CELF2: variants seen among roughly 807,000 people sequenced by gnomAD.
The protein encoded by CELF2 is CUG triplet repeat RNA-binding protein 2.
In CELF2, 8 loss-of-function variants were observed where a neutral mutation model predicts 62.6. That is an observed-to-expected ratio of 0.13 (90% CI 0.07 to 0.23). The LOEUF (loss-of-function observed/expected upper bound fraction) is 0.23, where lower values mean the gene tolerates loss of function less well. Ranked by LOEUF, CELF2 falls within the 10% of genes least tolerant of loss-of-function variation. CELF2 has a pLI of 1.00. For missense variants in CELF2, 333 were observed against 671.0 expected (o/e 0.50, Z 5.56); for synonymous variants, 258 against 250.0 (o/e 1.03, Z -0.30).
At chr10:10,969,599 C>T (rs2050539366) in intron 2 of CELF2, among the ~76,000 whole-genome samples, 1 of 152,154 alleles carries the variant, frequency 6.6e-6, no homozygotes, top group Admixed American at 6.5e-5. Context: ...CCCTCCCTCT[C>T]CCCTTCCCCA....
At chr10:10,573,600 A>G in the CELF2 span, among the ~76,000 whole-genome samples, 1 of 152,190 alleles carries the variant, frequency 6.6e-6, no homozygotes. Context: ...AGATCTTGTG[A>G]GCACATGTAC....
At chr10:10,803,440 A>G (rs1028370599) in intron 1 of CELF2, among the ~76,000 whole-genome samples, 8 of 152,094 alleles carry the variant, frequency 5.3e-5, no homozygotes, top group African/African-American at 1.4e-4. Context: ...CTTGATTTTC[A>G]TTAGCTACTC....
rs2064388894 is a variant in CELF2, at chr10:11,156,365, G to T, written c.75-9121G>T. The stretch of plus-strand genomic sequence containing the variant: ...GTGCCGTATTAAATCTATTCATTCA[G>T]TAAATGTGTTTTGAGGATGTGCTGA... On this transcript the variant is annotated intron_variant, in intron 1 of 12. Transcript: ENST00000633077. The surrounding 1 kb of genome is among the most constrained non-coding windows in gnomAD (Gnocchi z 4.3). Among the ~76,000 whole-genome samples, 1 of 152,150 alleles carries T rather than the reference G, an allele frequency of 6.6e-6. No individual in the cohort carries two copies. Among genetic ancestry groups the T allele is most frequent in the Non-Finnish European group, 1.5e-5 (1 of 68,036 alleles).
chr10:10,515,613 G>T, the CELF2 span, among the ~76,000 whole-genome samples: 664 of 152,166 alleles, frequency 4.4e-3, 6 homozygotes, highest in South Asian at 0.033. Flanking sequence ...TATTATCCCC[G>T]TTAACGCCAC....
chr10:11,159,372 T>C lies in CELF2; in HGVS notation c.75-6114T>C, dbSNP rs554332946. On this transcript the variant is annotated intron_variant, in intron 1 of 12. Coordinates refer to ENST00000633077, the MANE Select transcript of CELF2 (RefSeq NM_001326342.2). This position sits in a 1 kb window ranked among gnomAD's most constrained non-coding sequence, Gnocchi z 5.0. The stretch of plus-strand genomic sequence containing the variant: ...ACTCTGCCCTGCCGAAAGGCAGTCA[T>C]GGAAGACAGACGCGTTTTTCATGAT... 6.6e-5 allele frequency among the ~76,000 whole-genome samples: 10 copies of C among 152,374 alleles called. No individual in the cohort carries two copies. Among genetic ancestry groups the C allele is most frequent in the Admixed American group, 5.9e-4 (9 of 15,310 alleles).
chr10:10,752,120 C>T, the CELF2 span, among the ~76,000 whole-genome samples: 4 of 152,234 alleles, frequency 2.6e-5, no homozygotes, highest in Admixed American at 2.6e-4. Context: ...TCAGAATTCA[C>T]AGCAGGGCAT....
the CELF2 span, among the ~76,000 whole-genome samples, chr10:10,483,107 G>A: frequency 2.5e-4 from 38 of 151,602 alleles, no homozygotes; most frequent in African/African-American, 8.0e-4. Context: ...TTTTCTCAAC[G>A]GCTTTTGCTT....
chr10:11,179,797 T>G (rs79144548), intron 2 of CELF2, among the ~76,000 whole-genome samples: 2,186 of 152,258 alleles, frequency 0.014, 52 homozygotes, highest in African/African-American at 0.05. Context: ...AACAACTGCA[T>G]TGTACAAACA....
At chr10:10,809,507 T>C (rs1190885764) in intron 1 of CELF2, among the ~76,000 whole-genome samples, 3 of 152,250 alleles carry the variant, frequency 2.0e-5, no homozygotes, top group African/African-American at 7.2e-5. Context: ...CCAGTCACTT[T>C]AGGACAAAAT....
intron 1 of CELF2, among the ~76,000 whole-genome samples, chr10:11,007,768 G>C (rs1279708840): frequency 6.6e-6 from 1 of 152,150 alleles, no homozygotes; most frequent in African/African-American, 2.4e-5. Flanking sequence ...TTTTGTGTGG[G>C]TTGGGAGGAA....
intron 4 of CELF2, among the ~76,000 whole-genome samples, chr10:11,256,241 T>C (rs1198033080): frequency 6.6e-6 from 1 of 152,206 alleles, no homozygotes; most frequent in Non-Finnish European, 1.5e-5. Context: ...AGCAGCCACA[T>C]GTGGCTTTAG....
rs2082793723 is a variant in CELF2, at chr10:11,268,525, A to G, written c.618+1848A>G. ...AACTGGGCATGAACCAGGCTGAGAA[A>G]CAGTAGGTTCCCATCATGTAAAGAG... On this transcript the variant is annotated intron_variant, in intron 6 of 12. Transcript: ENST00000633077. This position sits in a 1 kb window ranked among gnomAD's most constrained non-coding sequence, Gnocchi z 4.7. 6.6e-6 allele frequency among the ~76,000 whole-genome samples: 1 copy of G among 152,208 alleles called. No individual in the cohort carries two copies. The highest frequency in any genetic ancestry group is 1.5e-5 in the Non-Finnish European group (1 of 68,024).
chr10:10,471,424 G>C, the CELF2 span, among the ~76,000 whole-genome samples: 1 of 151,546 alleles, frequency 6.6e-6, no homozygotes, highest in Non-Finnish European at 1.5e-5. Context: ...TCTGTTATTA[G>C]GTGTGTATAC....
At chr10:11,089,842 TA>T (rs1168695955) in intron 1 of CELF2, among the ~76,000 whole-genome samples, 1 of 151,826 alleles carries the variant, frequency 6.6e-6, no homozygotes, top group Admixed American at 6.6e-5. Context: ...TTCGTTGCCA[TA>T]AAAAAAAGCA....
chr10:11,106,513 AGGCG>A (rs1217308796), intron 1 of CELF2, among the ~76,000 whole-genome samples: 1 of 152,242 alleles, frequency 6.6e-6, no homozygotes, highest in African/African-American at 2.4e-5. Context: ...CTGGGATTAT[AGGCG>A]TGAGCCACTG....
At chr10:10,732,040 C>T in the CELF2 span, among the ~76,000 whole-genome samples, 3 of 152,108 alleles carry the variant, frequency 2.0e-5, no homozygotes, top group African/African-American at 7.2e-5. Flanking sequence ...TCCTGATACC[C>T]CATATGTCCT....
chr10:10,622,606 G>A, the CELF2 span, among the ~76,000 whole-genome samples: 1 of 152,214 alleles, frequency 6.6e-6, no homozygotes, highest in East Asian at 1.9e-4. Flanking sequence ...TGTGAGCCAT[G>A]ATTATACCAT....
Position 10,936,129 on chromosome 10 carries a change from T to A in CELF2, c.89+16130T>A, listed in dbSNP as rs2046361577. 6.6e-6 allele frequency among the ~76,000 whole-genome samples: 1 copy of A among 151,914 alleles called. No individual in the cohort carries two copies. The highest frequency in any genetic ancestry group is 1.5e-5 in the Non-Finnish European group (1 of 68,008). On this transcript the variant is annotated intron_variant, in intron 2 of 13. Transcript: ENST00000636488. This position sits in a 1 kb window ranked among gnomAD's most constrained non-coding sequence, Gnocchi z 4.0. Reference sequence around the variant, plus strand: ...GTAAGCCAAGATTGCACCACTGCACTCCAGCCTAGGTGACAGAGTGAGACT... The same window carrying A: ...GTAAGCCAAGATTGCACCACTGCACACCAGCCTAGGTGACAGAGTGAGACT...
Position 11,046,162 on chromosome 10 carries a change from C to T in CELF2, c.74+27999C>T, listed in dbSNP as rs759534765. Among the ~76,000 whole-genome samples, 2 of 152,210 alleles carry T rather than the reference C, an allele frequency of 1.3e-5. No homozygotes were observed. The highest frequency in any genetic ancestry group is 2.1e-4 in the South Asian group (1 of 4,836). ...TTCCTGCCTCCCCAACCGGGCTGCA[C>T]GCCAGCGGTTCTCAAAATCACGGCA... On this transcript the variant is annotated intron_variant, in intron 1 of 12. Coordinates refer to ENST00000633077, the MANE Select transcript of CELF2 (RefSeq NM_001326342.2). The surrounding 1 kb of genome is among the most constrained non-coding windows in gnomAD (Gnocchi z 4.6).
Sources: allele counts gnomAD v4.1 joint callset (sites outside exome capture counted in the v4.1 genomes callset), GRCh38; gene constraint gnomAD v4.1.1; non-coding constraint Gnocchi (gnomAD v3.1); transcripts MANE v1.5; gene names NCBI Gene and HGNC (gene_info 2026-07-23, HGNC 2026-07-21).